SGCZ: variants seen among roughly 807,000 people sequenced by gnomAD.
SGCZ encodes the protein zeta-sarcoglycan.
A neutral mutation model predicts 41.3 loss-of-function variants in SGCZ; 40 were observed. That is an observed-to-expected ratio of 0.97 (90% confidence interval 0.75 to 1.26). SGCZ has a LOEUF of 1.26. SGCZ is among the 50% of genes most tolerant of loss of function. The pLI, the probability that SGCZ is intolerant of heterozygous loss-of-function variation, is 0.00. For missense variants in SGCZ, 552 were observed against 369.8 expected (o/e 1.49, Z -4.04); for synonymous variants, 206 against 137.5 (o/e 1.50, Z -3.49).
In SGCZ at chr8:14,149,393, C is replaced by G. The variant is rs2199594; in HGVS notation, c.547+15187G>C. 5.7e-3 allele frequency among the ~76,000 whole-genome samples: 863 copies of G among 151,972 alleles called. 4 individuals are homozygous for G. Among genetic ancestry groups the G allele is most frequent in the Non-Finnish European group, 9.2e-3 (623 of 67,918 alleles). ...TTTCTATATGCCAACAGTGAACAAT[C>G]TGAAAAAGAAATAAAATTCATCCCA... On this transcript the variant is annotated intron_variant, in intron 5 of 7. Coordinates refer to ENST00000382080, the MANE Select transcript of SGCZ (RefSeq NM_139167.4).
chr8:14,372,292 G>A lies in SGCZ; in HGVS notation c.235-48088C>T, dbSNP rs1431202651. The stretch of plus-strand genomic sequence containing the variant: ...TGTGCTATAGGTTGAAGGTTTTATG[G>A]AGAATGTGTATACCCAACCAACAGT... On this transcript the variant is annotated intron_variant, in intron 2 of 7. Transcript: ENST00000382080. 2.6e-5 allele frequency among the ~76,000 whole-genome samples: 4 copies of A among 152,142 alleles called. No individual in the cohort carries two copies. In the East Asian group the frequency reaches 7.7e-4, roughly 29 times the overall value.
intron 1 of SGCZ, among the ~76,000 whole-genome samples, chr8:14,799,825 A>C (rs2246779): frequency 0.99 from 151,513 of 152,298 alleles, 75,380 homozygotes; most frequent in Middle Eastern, 1. Flanking sequence ...ACACCCAAAC[A>C]TAACCTAGCA....
In SGCZ at chr8:15,236,366, T is replaced by G. The variant is rs983450827; in HGVS notation, c.39+1219A>C. 2.6e-5 allele frequency among the ~76,000 whole-genome samples: 4 copies of G among 152,090 alleles called. No individual in the cohort carries two copies. The South Asian group carries it at 8.3e-4, about 31-fold the overall frequency. On this transcript the variant is annotated intron_variant, in intron 1 of 7. Coordinates refer to ENST00000382080, the MANE Select transcript of SGCZ (RefSeq NM_139167.4). The stretch of plus-strand genomic sequence containing the variant: ...GAGCTCTGCAGGGGATTTTGCAGCC[T>G]GCCTAGCTTGTCGGATAAACCCATT...
intron 2 of SGCZ, among the ~76,000 whole-genome samples, chr8:14,467,456 C>G (rs1482610232): frequency 1.3e-5 from 2 of 151,936 alleles, no homozygotes; most frequent in African/African-American, 4.8e-5. Context: ...GGACAGAATC[C>G]TTTTTGCCAC....
chr8:14,920,158 G>T (rs1276532410), intron 1 of SGCZ, among the ~76,000 whole-genome samples: 1 of 152,086 alleles, frequency 6.6e-6, no homozygotes, highest in Admixed American at 6.6e-5. Context: ...CAAAAACTTG[G>T]AGTGCATTTT....
chr8:14,629,895 C>A (rs981580439), intron 1 of SGCZ, among the ~76,000 whole-genome samples: 13 of 152,044 alleles, frequency 8.6e-5, no homozygotes, highest in African/African-American at 3.1e-4. Flanking sequence ...AAAGAGCATG[C>A]TTCAAGCAAA....
At chr8:14,388,534 C>T (rs536866332) in intron 2 of SGCZ, among the ~76,000 whole-genome samples, 4 of 152,064 alleles carry the variant, frequency 2.6e-5, no homozygotes, top group South Asian at 4.1e-4. Flanking sequence ...ATAAAATTCA[C>T]TGGTCTCAGC....
At chr8:14,285,727 C>A (rs1800597866) in intron 3 of SGCZ, among the ~76,000 whole-genome samples, 1 of 152,030 alleles carries the variant, frequency 6.6e-6, no homozygotes, top group Non-Finnish European at 1.5e-5. Flanking sequence ...GTTTCTATGT[C>A]TCCACACTTA....
intron 2 of SGCZ, among the ~76,000 whole-genome samples, chr8:14,544,349 C>T (rs1023290233): frequency 6.6e-6 from 1 of 151,996 alleles, no homozygotes; most frequent in Non-Finnish European, 1.5e-5. Flanking sequence ...AATATGAAAT[C>T]AGTGCACCTT....
chr8:14,728,142 C>T lies in SGCZ; in HGVS notation c.40-173216G>A, dbSNP rs554209709. The stretch of plus-strand genomic sequence containing the variant: ...AACTTTCTGGGGTGATAAATATGTT[C>T]GAAACTTTGTATGTGTAGGTATGTG... On this transcript the variant is annotated intron_variant, in intron 1 of 7. Coordinates refer to ENST00000382080, the MANE Select transcript of SGCZ (RefSeq NM_139167.4). Among the ~76,000 whole-genome samples the T allele has an allele frequency of 6.6e-5, 10 of 152,018 alleles. No individual in the cohort carries two copies. In the South Asian group the frequency reaches 1.0e-3, roughly 16 times the overall value.
intron 1 of SGCZ, among the ~76,000 whole-genome samples, chr8:14,663,878 G>T (rs1300315397): frequency 6.6e-6 from 1 of 152,034 alleles, no homozygotes; most frequent in Non-Finnish European, 1.5e-5. Context: ...CCCATCCCTA[G>T]CTTGAAGGAT....
At chr8:14,786,708 G>A (rs942747894) in intron 1 of SGCZ, among the ~76,000 whole-genome samples, 1 of 151,698 alleles carries the variant, frequency 6.6e-6, no homozygotes, top group East Asian at 1.9e-4. Context: ...TTTATTTTTA[G>A]AATTACAAAT....
intron 1 of SGCZ, among the ~76,000 whole-genome samples, chr8:14,610,215 C>G (rs1315775879): frequency 6.6e-6 from 1 of 152,086 alleles, no homozygotes; most frequent in Admixed American, 6.6e-5. Flanking sequence ...ACAAGAATCA[C>G]CTTGACCTAA....
intron 2 of SGCZ, among the ~76,000 whole-genome samples, chr8:14,351,310 C>T (rs191384837): frequency 6.6e-6 from 1 of 151,998 alleles, no homozygotes; most frequent in African/African-American, 2.4e-5. Context: ...TACTCCTTTG[C>T]ATTAACTGTT....
chr8:14,231,156 G>A (rs1461244869), intron 4 of SGCZ, among the ~76,000 whole-genome samples: 1 of 36,018 alleles, frequency 2.8e-5, no homozygotes, highest in Non-Finnish European at 5.9e-5. Context: ...TGATTCTTTG[G>A]GCAAGTGTGT....
chr8:14,416,241 T>A (rs1337108136), intron 2 of SGCZ, among the ~76,000 whole-genome samples: 1 of 151,922 alleles, frequency 6.6e-6, no homozygotes, highest in African/African-American at 2.4e-5. Flanking sequence ...GGCAGACATT[T>A]CCTATAAGAA....
intron 1 of SGCZ, among the ~76,000 whole-genome samples, chr8:14,828,510 A>G (rs1802417125): frequency 1.3e-5 from 2 of 152,222 alleles, no homozygotes; most frequent in Admixed American, 1.3e-4. Context: ...GGAAATTTTA[A>G]ACAAGTGTAA....
At position 14,732,961 on chromosome 8, in the gene SGCZ, T is replaced by C. The variant is rs751287874; in HGVS notation, c.40-178035A>G. On this transcript the variant is annotated intron_variant, in intron 1 of 7. Transcript: ENST00000382080. ...AATAAGATTCGCATTGATTATACAT[T>C]AGTTTATCATTTAAAACATGTATTA... Among the ~76,000 whole-genome samples, 20 of 152,258 alleles carry C rather than the reference T, an allele frequency of 1.3e-4. No individual in the cohort carries two copies. The Middle Eastern group carries it at 0.014, about 104-fold the overall frequency.
At chr8:14,977,298 G>C (rs543693750) in intron 1 of SGCZ, among the ~76,000 whole-genome samples, 1 of 152,148 alleles carries the variant, frequency 6.6e-6, no homozygotes, top group Non-Finnish European at 1.5e-5. Context: ...CACCAGCATG[G>C]AGAACAGAGC....
Sources: allele counts gnomAD v4.1 joint callset (sites outside exome capture counted in the v4.1 genomes callset), GRCh38; gene constraint gnomAD v4.1.1; transcripts MANE v1.5; gene names NCBI Gene and HGNC (gene_info 2026-07-23, HGNC 2026-07-21).